Variants in ASIC2 observed in about 807,000 individuals in gnomAD.
ASIC2 encodes the protein acid sensing ion channel subunit 2.
In ASIC2, 25 loss-of-function variants were observed where a neutral mutation model predicts 57.3. The ratio of observed to expected loss-of-function variants is 0.44; its 90% CI spans 0.32 to 0.61. ASIC2 has a LOEUF of 0.61. Ranked by LOEUF, ASIC2 falls within the 20% of genes least tolerant of loss-of-function variation. The pLI is 0.06. For synonymous variants in ASIC2, 319 were observed against 307.5 expected (o/e 1.04, Z -0.39); for missense variants, 641 against 738.1 (o/e 0.87, Z 1.52).
intron 1 of ASIC2, among the ~76,000 whole-genome samples, chr17:33,632,364 A>G (rs1049252226): frequency 1.1e-4 from 17 of 152,184 alleles, no homozygotes; most frequent in African/African-American, 3.9e-4. Flanking sequence ...GTAACACACA[A>G]TTCTCTGTCA....
intron 1 of ASIC2, among the ~76,000 whole-genome samples, chr17:33,599,254 A>G (rs1905064892): frequency 6.6e-6 from 1 of 152,234 alleles, no homozygotes; most frequent in South Asian, 2.1e-4. Context: ...GAACAGGCCT[A>G]TTTTGTGGTC....
rs576647757 is a variant in ASIC2 at position 34,086,470 on chromosome 17, A to G, written c.555+69508T>C. On this transcript the variant is annotated intron_variant, in intron 1 of 9. Transcript: ENST00000359872. ...AGCTTTACTTCCAACTATGTGGTCA[A>G]TTTTGGAATAGGTGTGGTGTGGTGC... Among the ~76,000 whole-genome samples, 186 of 151,928 alleles carry G rather than the reference A, an allele frequency of 1.2e-3. 5 individuals are homozygous for G. Among genetic ancestry groups the G allele is most frequent in the African/African-American group, 4.0e-3 (164 of 41,428 alleles).
intron 1 of ASIC2, among the ~76,000 whole-genome samples, chr17:33,766,602 T>C (rs1212967924): frequency 6.6e-6 from 1 of 152,196 alleles, no homozygotes; most frequent in Non-Finnish European, 1.5e-5. Context: ...CATATCTGCA[T>C]GTGTAATGTA....
chr17:34,036,984 A>C lies in ASIC2; in HGVS notation c.555+118994T>G, dbSNP rs146164698. On this transcript the variant is annotated intron_variant, in intron 1 of 9. Transcript: ENST00000359872. ...GAATGAACATTGCCACGTACTTGCT[A>C]ATACGGGTTTCACTTTATGACCAAA... 182 of 152,736 alleles carry C rather than the reference A, an allele frequency of 1.2e-3. 1 individual carries two copies. The East Asian group carries it at 0.019, about 16-fold the overall frequency. The allele number at this position is 152,736 out of a possible 1,614,324, so 9.5% of individuals were successfully genotyped here.
chr17:33,656,800 T>C (rs1252092974), intron 1 of ASIC2, among the ~76,000 whole-genome samples: 1 of 152,180 alleles, frequency 6.6e-6, no homozygotes, highest in African/African-American at 2.4e-5. Flanking sequence ...AAGCTTATTT[T>C]CCATGGGGCC....
intron 1 of ASIC2, among the ~76,000 whole-genome samples, chr17:34,153,106 A>G (rs1904588343): frequency 6.6e-6 from 1 of 152,184 alleles, no homozygotes; most frequent in Admixed American, 6.5e-5. Flanking sequence ...CTCATTCACT[A>G]ATTAAAGGGT....
intron 1 of ASIC2, chr17:34,037,766 C>T (rs149096522): frequency 3.6e-5 from 58 of 1,614,166 alleles, no homozygotes; most frequent in South Asian, 3.0e-4. Flanking sequence ...GTCCTCCTTT[C>T]GGTAGGCCAA....
At chr17:34,026,204 C>T (rs1907373100) in intron 1 of ASIC2, among the ~76,000 whole-genome samples, 1 of 152,190 alleles carries the variant, frequency 6.6e-6, no homozygotes. Flanking sequence ...TCTTTCTCAG[C>T]CACCTTCACC....
At chr17:34,152,739 G>A (rs537597459) in intron 1 of ASIC2, among the ~76,000 whole-genome samples, 1 of 152,294 alleles carries the variant, frequency 6.6e-6, no homozygotes, top group Non-Finnish European at 1.5e-5. Context: ...TACAACCAGG[G>A]AATAAGAAAG....
At chr17:33,190,321 T>C (rs1906363494) in intron 1 of ASIC2, among the ~76,000 whole-genome samples, 1 of 152,154 alleles carries the variant, frequency 6.6e-6, no homozygotes, top group Admixed American at 6.6e-5. Context: ...GAAACAGGGA[T>C]ACATTTTGAC....
intron 1 of ASIC2, among the ~76,000 whole-genome samples, chr17:33,196,717 C>CAGAGAGGAACTGTGG (rs1906644207): frequency 6.6e-6 from 1 of 152,170 alleles, no homozygotes; most frequent in Admixed American, 6.5e-5. Flanking sequence ...GGGCTTGAGA[C>CAGAGAGGAACTGTGG]AGAGAGGAAC....
chr17:33,873,759 C>T (rs1375595583), intron 1 of ASIC2, among the ~76,000 whole-genome samples: 1 of 152,154 alleles, frequency 6.6e-6, no homozygotes, highest in Non-Finnish European at 1.5e-5. Context: ...TTCATCCCAC[C>T]CCCAGGTACT....
At chr17:33,759,394 CAG>C (rs770373889) in intron 1 of ASIC2, among the ~76,000 whole-genome samples, 1 of 152,084 alleles carries the variant, frequency 6.6e-6, no homozygotes, top group Non-Finnish European at 1.5e-5. Flanking sequence ...AAAAGGGAAA[CAG>C]AGTGAAAAAA....
At chr17:34,056,161 G>A (rs528754584) in intron 1 of ASIC2, among the ~76,000 whole-genome samples, 55 of 152,274 alleles carry the variant, frequency 3.6e-4, no homozygotes, top group African/African-American at 1.3e-3. Flanking sequence ...GTGCCTATTA[G>A]GATCTTTTAC....
At chr17:33,509,942 T>A (rs530961376) in intron 1 of ASIC2, among the ~76,000 whole-genome samples, 2 of 152,214 alleles carry the variant, frequency 1.3e-5, no homozygotes, top group South Asian at 4.1e-4. Context: ...AAAAGAAGAG[T>A]TTGGGAAAAT....
At chr17:33,279,713 C>G (rs780927076) in intron 1 of ASIC2, among the ~76,000 whole-genome samples, 5 of 152,110 alleles carry the variant, frequency 3.3e-5, no homozygotes, top group Non-Finnish European at 5.9e-5. Flanking sequence ...CGTAGCAAGA[C>G]CCCAACTCTA....
intron 1 of ASIC2, among the ~76,000 whole-genome samples, chr17:33,344,404 G>A (rs888328727): frequency 1.3e-4 from 20 of 152,108 alleles, no homozygotes; most frequent in Admixed American, 1.1e-3. Context: ...GGCAGGGAGC[G>A]GGGCACCAGG....
At chr17:33,446,514 G>A (rs976612980) in intron 1 of ASIC2, among the ~76,000 whole-genome samples, 4 of 152,156 alleles carry the variant, frequency 2.6e-5, no homozygotes, top group African/African-American at 9.7e-5. Context: ...CACGCTGAAA[G>A]CATCTGTAAT....
At chr17:34,128,133 T>C (rs1213674968) in intron 1 of ASIC2, among the ~76,000 whole-genome samples, 3 of 151,940 alleles carry the variant, frequency 2.0e-5, no homozygotes, top group Admixed American at 2.0e-4. Context: ...AGGTAGAGGA[T>C]GAGAAAAAGG....
Sources: gnomAD v4.1 joint callset for allele counts (sites outside exome capture counted in the v4.1 genomes callset) on GRCh38, gnomAD v4.1.1 for gene constraint, MANE v1.5 for transcripts, NCBI Gene and HGNC (gene_info 2026-07-23, HGNC 2026-07-21) for gene names.